The following LRP1B variants were observed in gnomAD, a reference collection of about 807,000 sequenced individuals.
LRP1B encodes the protein low-density lipoprotein receptor-related protein 1B.
A neutral mutation model predicts 556.6 loss-of-function variants in LRP1B; 217 were observed. The observed-to-expected ratio is 0.39, with a 90% CI of 0.35 to 0.44. The LOEUF (loss-of-function observed/expected upper bound fraction) is 0.44. Among genes scored for constraint, LRP1B ranks in the 20% least tolerant of loss-of-function variants. The pLI is 1.00. For synonymous variants in LRP1B, 2,047 were observed against 1,865.8 expected (o/e 1.10, Z -2.50); for missense variants, 5,053 against 5,620.8 (o/e 0.90, Z 3.23).
chr2:141,015,066 G>C (rs1697863239), intron 13 of LRP1B, among the ~76,000 whole-genome samples: 1 of 152,042 alleles, frequency 6.6e-6, no homozygotes, highest in South Asian at 2.1e-4. Flanking sequence ...AGTTATTGGT[G>C]TTATTTGTAA....
intron 1 of LRP1B, among the ~76,000 whole-genome samples, chr2:142,087,808 T>G (rs931196105): frequency 1.3e-5 from 2 of 152,114 alleles, no homozygotes; most frequent in African/African-American, 4.8e-5. Context: ...AGGCAAGAGA[T>G]AAGCTCAATT....
chr2:142,101,839 C>T (rs569137725), intron 1 of LRP1B, among the ~76,000 whole-genome samples: 2 of 151,898 alleles, frequency 1.3e-5, no homozygotes, highest in East Asian at 1.9e-4. Flanking sequence ...TAGAAAATGC[C>T]GTAGGCTCTG....
intron 1 of LRP1B, among the ~76,000 whole-genome samples, chr2:141,979,611 T>C (rs1574555397): frequency 1.3e-5 from 2 of 152,236 alleles, no homozygotes; most frequent in South Asian, 4.1e-4. Flanking sequence ...TCAGTTATCT[T>C]GCCGTCTTGT....
At chr2:140,326,290 A>G (rs928452881) in intron 79 of LRP1B, among the ~76,000 whole-genome samples, 3 of 151,308 alleles carry the variant, frequency 2.0e-5, no homozygotes, top group African/African-American at 7.4e-5. Context: ...GAATTAGTAT[A>G]TGTATTTTTA....
intron 3 of LRP1B, among the ~76,000 whole-genome samples, chr2:141,376,507 T>C (rs1472497009): frequency 6.6e-6 from 1 of 152,200 alleles, no homozygotes; most frequent in Admixed American, 6.5e-5. Flanking sequence ...GAGCATCTAC[T>C]TACTATTCGC....
chr2:140,847,707 C>A (rs548997680), intron 29 of LRP1B, among the ~76,000 whole-genome samples: 25 of 150,360 alleles, frequency 1.7e-4, no homozygotes, highest in Admixed American at 1.1e-3. Flanking sequence ...GCAGAGTTTG[C>A]AGTAAGCCAA....
intron 1 of LRP1B, among the ~76,000 whole-genome samples, chr2:142,109,765 C>T (rs557916872): frequency 6.6e-6 from 1 of 152,116 alleles, no homozygotes; most frequent in African/African-American, 2.4e-5. Context: ...AAAAGTGTAA[C>T]ATGTTTGGTT....
intron 2 of LRP1B, among the ~76,000 whole-genome samples, chr2:141,664,735 C>A (rs6727219): frequency 0.09 from 13,763 of 152,184 alleles, 685 homozygotes; most frequent in South Asian, 0.15. Context: ...ACACTCCATG[C>A]TCATGGATAG....
intron 2 of LRP1B, among the ~76,000 whole-genome samples, chr2:141,566,543 G>A (rs1355171205): frequency 1.3e-5 from 2 of 152,156 alleles, no homozygotes; most frequent in Admixed American, 6.6e-5. Context: ...ATTGGTATTT[G>A]TTTTCCATTA....
At chr2:141,029,482 T>A (rs1370579860) in intron 11 of LRP1B, among the ~76,000 whole-genome samples, 2 of 152,094 alleles carry the variant, frequency 1.3e-5, no homozygotes, top group Non-Finnish European at 2.9e-5. Context: ...GCTAAGTAAG[T>A]CAAGGGGACC....
chr2:141,417,860 A>G (rs1679974351), intron 3 of LRP1B, among the ~76,000 whole-genome samples: 1 of 150,868 alleles, frequency 6.6e-6, no homozygotes, highest in African/African-American at 2.4e-5. Context: ...ATTTCTCTAC[A>G]TCCTTGCCAG....
intron 81 of LRP1B, among the ~76,000 whole-genome samples, chr2:140,323,543 T>C (rs1490891543): frequency 6.6e-6 from 1 of 151,990 alleles, no homozygotes; most frequent in African/African-American, 2.4e-5. Flanking sequence ...ACATGGCACA[T>C]GTATACATAT....
intron 11 of LRP1B, among the ~76,000 whole-genome samples, chr2:141,022,259 T>A: frequency 6.7e-6 from 1 of 148,440 alleles, no homozygotes. Context: ...GCCTAGATTA[T>A]TTTTTAAGGT....
rs147534216 is a variant in LRP1B at position 140,953,425 on chromosome 2, A to G, written c.2888-1485T>C. Among the ~76,000 whole-genome samples, 4 of 152,302 alleles carry G rather than the reference A, an allele frequency of 2.6e-5. No homozygotes were observed. The East Asian group carries it at 7.7e-4, about 29-fold the overall frequency. ...ATTGTTCTTGTGACAGCGGAAGCCA[A>G]TGACATTTTGTGACTAATATTTGTT... On this transcript the variant is annotated intron_variant, in intron 18 of 90. Transcript: ENST00000389484.
chr2:140,506,752 T>C (rs1420364850), intron 53 of LRP1B, 44 bp downstream of exon 53: 4 of 1,586,634 alleles, frequency 2.5e-6, no homozygotes, highest in East Asian at 2.3e-5. Context: ...TTTGAAAGAC[T>C]CTTAGCCTAG....
At chr2:141,923,595 T>G (rs1409108883) in intron 1 of LRP1B, among the ~76,000 whole-genome samples, 1 of 150,750 alleles carries the variant, frequency 6.6e-6, no homozygotes, top group African/African-American at 2.4e-5. Flanking sequence ...TATGGTAATG[T>G]TACCCTGAAT....
rs1038423543 is a variant in LRP1B at position 141,483,190 on chromosome 2, C to T, written c.206-2657G>A. ...ATGTGTTCTCATTGTTCAATTCCCA[C>T]CTATGAGTGAGAACATGCGGTGTTT... is the stretch of plus-strand genomic sequence containing the variant. On this transcript the variant is annotated intron_variant, in intron 2 of 90. Coordinates refer to ENST00000389484, the MANE Select transcript of LRP1B (RefSeq NM_018557.3). Among the ~76,000 whole-genome samples the T allele has an allele frequency of 4.1e-5, 6 of 146,872 alleles. No individual in the cohort carries two copies. In the East Asian group the frequency reaches 6.1e-4, roughly 15 times the overall value.
chr2:141,299,688 C>T (rs1443233913), intron 3 of LRP1B, among the ~76,000 whole-genome samples: 1 of 152,070 alleles, frequency 6.6e-6, no homozygotes, highest in Non-Finnish European at 1.5e-5. Flanking sequence ...CAAATAAATT[C>T]AATTCTAAAA....
At chr2:140,346,854 G>A (rs1392653630) in intron 77 of LRP1B, among the ~76,000 whole-genome samples, 7 of 151,840 alleles carry the variant, frequency 4.6e-5, no homozygotes, top group African/African-American at 7.2e-5. Flanking sequence ...AAACAAAATG[G>A]CCTAATCAAC....
Sources: allele counts gnomAD v4.1 joint callset (sites outside exome capture counted in the v4.1 genomes callset), GRCh38; gene constraint gnomAD v4.1.1; transcripts MANE v1.5; gene names NCBI Gene and HGNC (gene_info 2026-07-23, HGNC 2026-07-21).